ABCA10: variants seen among roughly 807,000 people sequenced by gnomAD.
ABCA10 encodes the protein ATP-binding cassette sub-family A member 10.
A neutral mutation model predicts 187.5 loss-of-function variants in ABCA10; 169 were observed. The observed-to-expected ratio is 0.90, with a 90% confidence interval of 0.80 to 1.02. The LOEUF is 1.02. Among genes scored for constraint, ABCA10 ranks in the 50% least tolerant of loss-of-function variants. The pLI, the probability that ABCA10 is intolerant of heterozygous loss-of-function variation, is 0.00. For synonymous variants in ABCA10, 574 were observed against 601.8 expected (o/e 0.95, Z 0.68); for missense variants, 1,727 against 1,812.4 (o/e 0.95, Z 0.86).
Position 69,193,268 on chromosome 17 carries a change from T to G in ABCA10, c.1642-20A>C. ...CAAAACCTACAGAGGAGGAAACGTA[T>G]GAAAGCATCTTCCTCTTCACAGTGA... On this transcript the variant is annotated intron_variant, in intron 14 of 38. Coordinates refer to ENST00000690296, the MANE Select transcript of ABCA10 (RefSeq NM_001377321.1). 6.2e-7 allele frequency: 1 copy of G among 1,605,294 alleles called. No individual in the cohort carries two copies. The highest frequency in any genetic ancestry group is 8.5e-7 in the Non-Finnish European group (1 of 1,177,444).
intron 20 of ABCA10, among the ~76,000 whole-genome samples, chr17:69,184,920 C>T (rs960333933): frequency 4.9e-5 from 6 of 121,264 alleles, no homozygotes; most frequent in African/African-American, 1.1e-4. Flanking sequence ...TTTAAATACA[C>T]ACACACACAC....
chr17:69,210,552 G>A (rs1175604507), intron 9 of ABCA10, among the ~76,000 whole-genome samples: 1 of 151,704 alleles, frequency 6.6e-6, no homozygotes, highest in Non-Finnish European at 1.5e-5. Context: ...TGCATCCAAT[G>A]TGTAGTCTTT....
intron 1 of ABCA10, chr17:69,234,901 A>G (rs1051040293): frequency 6.6e-6 from 1 of 152,222 alleles, no homozygotes; most frequent in Non-Finnish European, 1.5e-5. Flanking sequence ...AAATATTCCA[A>G]ATAAAATGCC....
intron 5 of ABCA10, among the ~76,000 whole-genome samples, chr17:69,220,097 A>G (rs2074735849): frequency 6.6e-6 from 1 of 152,254 alleles, no homozygotes; most frequent in Non-Finnish European, 1.5e-5. Context: ...TATTAAATAA[A>G]TCATTGCATA....
intron 27 of ABCA10, among the ~76,000 whole-genome samples, chr17:69,160,664 A>G (rs1357135234): frequency 6.6e-6 from 1 of 152,200 alleles, no homozygotes; most frequent in Non-Finnish European, 1.5e-5. Flanking sequence ...CAAAGAAGAT[A>G]TATAAATGGC....
chr17:69,187,582 A>T, intron 19 of ABCA10, 99 bp downstream of exon 19: 1 of 1,284,722 alleles, frequency 7.8e-7, no homozygotes, highest in Non-Finnish European at 1.0e-6. Context: ...ATACAAAAAA[A>T]CTGTTAAATG....
intron 17 of ABCA10, 151 bp from the exon 18 acceptor site, chr17:69,190,628 T>A (rs2074452877): frequency 1.4e-6 from 1 of 701,970 alleles, no homozygotes. Context: ...TTCTGTAAGA[T>A]ATTCTCTTGT....
At chr17:69,181,446 T>G (rs1219297296) in intron 22 of ABCA10, among the ~76,000 whole-genome samples, 1 of 152,078 alleles carries the variant, frequency 6.6e-6, no homozygotes, top group African/African-American at 2.4e-5. Flanking sequence ...TTGGCTCTTC[T>G]AATGTTCTGT....
chr17:69,196,014 CCT>C (rs2074497668), intron 11 of ABCA10, among the ~76,000 whole-genome samples: 1 of 152,230 alleles, frequency 6.6e-6, no homozygotes, highest in South Asian at 2.1e-4. Flanking sequence ...CACACTTCCC[CCT>C]CTTCCACTGG....
intron 9 of ABCA10, among the ~76,000 whole-genome samples, chr17:69,211,350 T>G (rs1346225205): frequency 1.1e-3 from 27 of 24,294 alleles, no homozygotes; most frequent in Admixed American, 2.4e-3. Flanking sequence ...TATATATATA[T>G]ATATATATAT....
At chr17:69,160,171 A>G (rs912798935) in intron 27 of ABCA10, among the ~76,000 whole-genome samples, 6 of 152,228 alleles carry the variant, frequency 3.9e-5, no homozygotes, top group South Asian at 4.1e-4. Context: ...CAAAGGACAC[A>G]ACTGACATGG....
At chr17:69,201,763 A>G in intron 9 of ABCA10, 95 bp from the exon 10 acceptor site, 1 of 1,066,506 alleles carries the variant, frequency 9.4e-7, no homozygotes, top group Non-Finnish European at 1.3e-6. Flanking sequence ...TTTGAACTTA[A>G]GTTATTTATC....
chr17:69,153,742 A>T, intron 32 of ABCA10, 89 bp downstream of exon 32: 1 of 1,489,244 alleles, frequency 6.7e-7, no homozygotes, highest in South Asian at 1.4e-5. Context: ...ATTTAAAGAC[A>T]TTGTTTATAA....
intron 11 of ABCA10, chr17:69,196,185 C>G (rs560930366): frequency 6.4e-6 from 1 of 157,252 alleles, no homozygotes; most frequent in Non-Finnish European, 1.4e-5. Flanking sequence ...GGCGGCTGGC[C>G]GGGCAGGGGC....
chr17:69,197,026 GA>G lies in ABCA10; in HGVS notation c.1234+37del, dbSNP rs756873340. ...GTGGACAGAGGGAGGGGGAGGGGGA[GA>G]GGGAGAGGGAGAGGGAGAGGGAGTT... On this transcript the variant is annotated intron_variant, in intron 11 of 38. Coordinates refer to ENST00000690296, the MANE Select transcript of ABCA10 (RefSeq NM_001377321.1). 1.2e-4 allele frequency: 170 copies of G among 1,421,842 alleles called. No individual in the cohort carries two copies. In the Middle Eastern group the frequency reaches 2.7e-3, roughly 23 times the overall value. The allele number at this position is 1,421,842 out of a possible 1,614,324, so 88.1% of individuals were successfully genotyped here.
chr17:69,153,594 C>T (rs746915181), intron 32 of ABCA10, 48 bp from the exon 33 acceptor site: 2 of 1,598,300 alleles, frequency 1.3e-6, no homozygotes, highest in Non-Finnish European at 1.7e-6. Context: ...GCAAATGGAC[C>T]TATCTAAAAC....
At chr17:69,176,593 A>G (rs894478887) in intron 22 of ABCA10, among the ~76,000 whole-genome samples, 5 of 152,036 alleles carry the variant, frequency 3.3e-5, no homozygotes, top group Non-Finnish European at 7.4e-5. Flanking sequence ...GGGAAGGGTA[A>G]CACTTATGAC....
chr17:69,177,107 T>C (rs2074340355), intron 22 of ABCA10, among the ~76,000 whole-genome samples: 1 of 152,298 alleles, frequency 6.6e-6, no homozygotes, highest in Non-Finnish European at 1.5e-5. Flanking sequence ...TTTAAAATAT[T>C]CTACAGAAAG....
At chr17:69,169,305 A>G (rs549182387) in intron 25 of ABCA10, among the ~76,000 whole-genome samples, 1 of 152,362 alleles carries the variant, frequency 6.6e-6, no homozygotes, top group South Asian at 2.1e-4. Context: ...GTATCAGTCA[A>G]CTGTCCATAC....
Sources: gnomAD v4.1 joint callset for allele counts (sites outside exome capture counted in the v4.1 genomes callset) on GRCh38, gnomAD v4.1.1 for gene constraint, MANE v1.5 for transcripts, NCBI Gene and HGNC (gene_info 2026-07-23, HGNC 2026-07-21) for gene names.